The following AATF variants were observed in gnomAD, a reference collection of about 807,000 sequenced individuals.
AATF encodes the protein apoptosis antagonizing transcription factor.
In AATF, 48 loss-of-function variants were observed where a neutral mutation model predicts 63.7. That is an observed-to-expected ratio of 0.75 (90% CI 0.60 to 0.96). The LOEUF (loss-of-function observed/expected upper bound fraction) is 0.96. Ranked by LOEUF, AATF falls within the 40% of genes least tolerant of loss-of-function variation. AATF has a pLI of 0.00. For synonymous variants in AATF, 258 were observed against 247.7 expected (o/e 1.04, Z -0.39); for missense variants, 639 against 685.7 (o/e 0.93, Z 0.76).
chr17:36,983,973 A>G (rs2071147646), intron 4 of AATF, among the ~76,000 whole-genome samples: 1 of 152,226 alleles, frequency 6.6e-6, no homozygotes, highest in South Asian at 2.1e-4. Flanking sequence ...AGAATGCTAT[A>G]GTATGAAATA....
intron 4 of AATF, among the ~76,000 whole-genome samples, chr17:36,986,120 T>G (rs374071623): frequency 6.6e-6 from 1 of 152,104 alleles, no homozygotes; most frequent in East Asian, 1.9e-4. Flanking sequence ...TGAGATCTCC[T>G]GGGGGCAAGG....
intron 11 of AATF, chr17:37,043,100 T>G (rs965669608): frequency 3.3e-5 from 5 of 152,108 alleles, no homozygotes; most frequent in African/African-American, 1.2e-4. Flanking sequence ...TAACCAATAG[T>G]CTGTATTCTC....
chr17:37,010,825 G>A (rs1374094550), intron 8 of AATF, among the ~76,000 whole-genome samples: 2 of 152,296 alleles, frequency 1.3e-5, no homozygotes, highest in East Asian at 1.9e-4. Flanking sequence ...GGCCCACGGA[G>A]CATTTCACGT....
At chr17:37,017,712 A>G (rs926620415) in intron 8 of AATF, among the ~76,000 whole-genome samples, 1 of 152,206 alleles carries the variant, frequency 6.6e-6, no homozygotes, top group African/African-American at 2.4e-5. Flanking sequence ...ATGAAAAAAC[A>G]TCATGGGAGG....
At chr17:37,053,399 T>C (rs1323691062) in intron 11 of AATF, among the ~76,000 whole-genome samples, 2 of 152,280 alleles carry the variant, frequency 1.3e-5, no homozygotes, top group Admixed American at 1.3e-4. Context: ...TTCATTTCAA[T>C]TTTTTGAATT....
At chr17:36,951,804 C>T (rs1360658223) in intron 2 of AATF, among the ~76,000 whole-genome samples, 3 of 152,120 alleles carry the variant, frequency 2.0e-5, no homozygotes, top group Non-Finnish European at 4.4e-5. Context: ...TTTTTGGCAG[C>T]TTTGTGTCTT....
At chr17:36,950,062 C>A in intron 1 of AATF, 152 bp from the exon 2 acceptor site, 1 of 815,554 alleles carries the variant, frequency 1.2e-6, no homozygotes, top group Non-Finnish European at 2.0e-6. Context: ...AGACAGTGTT[C>A]TACTTTGGGA....
chr17:36,973,675 C>A (rs943689123), intron 4 of AATF, among the ~76,000 whole-genome samples: 4 of 152,194 alleles, frequency 2.6e-5, no homozygotes, highest in African/African-American at 9.7e-5. Flanking sequence ...CTAGTTCCTT[C>A]TCCTTTAGGC....
chr17:36,974,860 A>G (rs1423504279), intron 4 of AATF, among the ~76,000 whole-genome samples: 1 of 151,768 alleles, frequency 6.6e-6, no homozygotes, highest in Non-Finnish European at 1.5e-5. Flanking sequence ...CCTTAATGCC[A>G]CTCTAATTCT....
At chr17:36,959,634 G>A (rs1478140704) in intron 4 of AATF, among the ~76,000 whole-genome samples, 2 of 152,196 alleles carry the variant, frequency 1.3e-5, no homozygotes, top group Admixed American at 1.3e-4. Flanking sequence ...TTAAAGGAAA[G>A]CTAAACTTCA....
At chr17:37,016,791 A>C (rs1271128629) in intron 8 of AATF, among the ~76,000 whole-genome samples, 1 of 152,118 alleles carries the variant, frequency 6.6e-6, no homozygotes, top group Non-Finnish European at 1.5e-5. Flanking sequence ...CTTTGGGAAA[A>C]TAGTAATAGC....
chr17:37,053,923 T>C (rs919615440), intron 11 of AATF, among the ~76,000 whole-genome samples: 41 of 152,366 alleles, frequency 2.7e-4, no homozygotes, highest in African/African-American at 9.4e-4. Context: ...CATTATGGCA[T>C]GTAGGTTCCA....
chr17:36,953,419 C>T, intron 3 of AATF, 123 bp downstream of exon 3: 1 of 1,464,008 alleles, frequency 6.8e-7, no homozygotes, highest in Non-Finnish European at 9.1e-7. Flanking sequence ...GTGACATGCC[C>T]CACTTACCCA....
intron 8 of AATF, among the ~76,000 whole-genome samples, chr17:36,997,522 C>T (rs897332803): frequency 3.3e-5 from 5 of 152,060 alleles, no homozygotes; most frequent in African/African-American, 9.7e-5. Context: ...AAGCACAATG[C>T]GATACCACCT....
chr17:37,039,548 T>C (rs9330247), intron 11 of AATF, among the ~76,000 whole-genome samples: 50,070 of 152,048 alleles, frequency 0.33, 11,967 homozygotes, highest in African/African-American at 0.68. Flanking sequence ...CGGATTGACA[T>C]AGTTTATAAT....
rs2071801096 is a variant in AATF, at chr17:37,056,651, G to A, written c.1670G>A (p.Gly557Asp). 6.2e-7 allele frequency: 1 copy of A among 1,614,176 alleles called. No homozygotes were observed. Among genetic ancestry groups the A allele is most frequent in the Non-Finnish European group, 8.5e-7 (1 of 1,180,034 alleles). Residue 557 changes from glycine to aspartate, a missense_variant, in exon 12 of 12, where the codon GGC (glycine) becomes GAC (aspartate). Coordinates refer to ENST00000619387, the MANE Select transcript of AATF (RefSeq NM_012138.4). ...GGCCAGCTCCACCCTCCCGACGAAG[G>A]CCACGGGGATTGACATCGCCCACCT... ...LFGQLHPPDEGHGD is the reference protein window; with the variant it reads ...LFGQLHPPDEDHGD
chr17:37,016,963 T>G (rs56247982), intron 8 of AATF, among the ~76,000 whole-genome samples: 1 of 152,246 alleles, frequency 6.6e-6, no homozygotes, highest in Non-Finnish European at 1.5e-5. Context: ...AAAATAGTTA[T>G]GCAAAGCACT....
At chr17:37,023,971 C>A (rs972282456) in intron 10 of AATF, among the ~76,000 whole-genome samples, 4 of 152,078 alleles carry the variant, frequency 2.6e-5, no homozygotes, top group African/African-American at 9.7e-5. Flanking sequence ...ACTTATAATA[C>A]CTAGTTCAAT....
At chr17:36,960,672 C>CA (rs571303117) in intron 4 of AATF, among the ~76,000 whole-genome samples, 171 of 152,278 alleles carry the variant, frequency 1.1e-3, no homozygotes, top group Non-Finnish European at 2.1e-3. Context: ...GCAAAGTTCT[C>CA]ACAATGTTCT....
Sources: gnomAD v4.1 joint callset for allele counts (sites outside exome capture counted in the v4.1 genomes callset) on GRCh38, gnomAD v4.1.1 for gene constraint, MANE v1.5 for transcripts, NCBI Gene and HGNC (gene_info 2026-07-23, HGNC 2026-07-21) for gene names.